Variants in GPR176 observed in about 807,000 individuals in gnomAD.
GPR176 encodes the protein G protein-coupled receptor 176.
GPR176 carries 26 observed loss-of-function variants against 35.4 expected under a neutral mutation model. The observed-to-expected ratio is 0.74, with a 90% confidence interval of 0.54 to 1.02. The LOEUF is 1.02. GPR176 is among the 50% of genes least tolerant of loss of function. The pLI is 0.00. For synonymous variants in GPR176, 278 were observed against 271.3 expected, an observed-to-expected ratio of 1.02 and a Z score of -0.24; for missense variants, 597 against 665.3, an observed-to-expected ratio of 0.90 and a Z score of 1.13.
intron 1 of GPR176, among the ~76,000 whole-genome samples, chr15:39,822,235 C>CTAAG (rs1330578207): frequency 1.3e-5 from 2 of 152,178 alleles, no homozygotes; most frequent in Non-Finnish European, 2.9e-5. Flanking sequence ...CTAAGCTGTT[C>CTAAG]CTAAATTCCT....
chr15:39,895,305 G>C (rs2033079865), intron 1 of GPR176, among the ~76,000 whole-genome samples: 1 of 148,808 alleles, frequency 6.7e-6, no homozygotes, highest in Admixed American at 6.7e-5. Flanking sequence ...GGGAGGGGGA[G>C]GGGGAGGGCG....
intron 1 of GPR176, among the ~76,000 whole-genome samples, chr15:39,890,913 C>T (rs1020791338): frequency 1.3e-5 from 2 of 152,172 alleles, no homozygotes; most frequent in African/African-American, 4.8e-5. Flanking sequence ...GTATATATCC[C>T]TTCAAATTTA....
chr15:39,890,704 G>A (rs1256114405), intron 1 of GPR176, among the ~76,000 whole-genome samples: 2 of 152,048 alleles, frequency 1.3e-5, no homozygotes, highest in Non-Finnish European at 2.9e-5. Flanking sequence ...CCAGACAAAG[G>A]AACCCTTACT....
At chr15:39,865,787 T>C (rs1394687289) in intron 1 of GPR176, among the ~76,000 whole-genome samples, 2 of 152,162 alleles carry the variant, frequency 1.3e-5, no homozygotes, top group Non-Finnish European at 2.9e-5. Context: ...TACATATGCA[T>C]TGGCAACATC....
intron 1 of GPR176, among the ~76,000 whole-genome samples, chr15:39,919,195 A>G (rs1345643441): frequency 2.0e-5 from 3 of 151,134 alleles, no homozygotes; most frequent in African/African-American, 7.2e-5. Context: ...AAGTATACCT[A>G]AATCTGGGAT....
At chr15:39,916,375 C>T (rs941129256) in intron 1 of GPR176, among the ~76,000 whole-genome samples, 1 of 152,160 alleles carries the variant, frequency 6.6e-6, no homozygotes, top group Admixed American at 6.5e-5. Context: ...CACTGGTTTA[C>T]GCAAACCCCC....
At chr15:39,906,557 C>A (rs2033427822) in intron 1 of GPR176, among the ~76,000 whole-genome samples, 1 of 152,238 alleles carries the variant, frequency 6.6e-6, no homozygotes, top group Admixed American at 6.5e-5. Flanking sequence ...ACATCCCCCA[C>A]ACATTATGCT....
intron 1 of GPR176, among the ~76,000 whole-genome samples, chr15:39,832,814 T>C (rs1901179434): frequency 6.6e-6 from 1 of 152,182 alleles, no homozygotes; most frequent in African/African-American, 2.4e-5. Flanking sequence ...TCCCTGTTCC[T>C]TGACTTGTGG....
chr15:39,916,013 A>C (rs975805045), intron 1 of GPR176, among the ~76,000 whole-genome samples: 4 of 152,248 alleles, frequency 2.6e-5, no homozygotes, highest in African/African-American at 4.8e-5. Context: ...GATGATTGCC[A>C]CAGATGACAG....
chr15:39,836,698 T>C (rs1305729179), intron 1 of GPR176, among the ~76,000 whole-genome samples: 1 of 152,146 alleles, frequency 6.6e-6, no homozygotes, highest in African/African-American at 2.4e-5. Context: ...GACAGGGCTA[T>C]AAAGTTCACA....
intron 1 of GPR176, among the ~76,000 whole-genome samples, chr15:39,913,624 G>T (rs1389203297): frequency 6.6e-6 from 1 of 152,122 alleles, no homozygotes; most frequent in East Asian, 1.9e-4. Context: ...GGTATTGAGG[G>T]GAAAAAGGCA....
At chr15:39,841,469 G>A (rs2029977167) in intron 1 of GPR176, among the ~76,000 whole-genome samples, 1 of 152,068 alleles carries the variant, frequency 6.6e-6, no homozygotes, top group African/African-American at 2.4e-5. Context: ...TTATAAAAAA[G>A]GGGAGATTTG....
chr15:39,907,379 G>A (rs55916904), intron 1 of GPR176, among the ~76,000 whole-genome samples: 1,907 of 152,194 alleles, frequency 0.013, 49 homozygotes, highest in African/African-American at 0.041. Flanking sequence ...CAAAGCTCCC[G>A]CTCTGCCCTC....
intron 1 of GPR176, among the ~76,000 whole-genome samples, chr15:39,810,588 A>G (rs1212533781): frequency 6.6e-6 from 1 of 152,234 alleles, no homozygotes; most frequent in African/African-American, 2.4e-5. Flanking sequence ...CAGACACATT[A>G]CCTCTTTGAA....
intron 1 of GPR176, among the ~76,000 whole-genome samples, chr15:39,808,625 C>G (rs764182516): frequency 2.6e-5 from 4 of 152,172 alleles, no homozygotes; most frequent in Non-Finnish European, 5.9e-5. Flanking sequence ...GACTTGTTAT[C>G]TCTCCATTTC....
At chr15:39,844,988 G>A (rs943497515) in intron 1 of GPR176, among the ~76,000 whole-genome samples, 2 of 152,110 alleles carry the variant, frequency 1.3e-5, no homozygotes, top group Non-Finnish European at 2.9e-5. Context: ...CGTATCTCAA[G>A]AGCCAGCTCC....
rs948447675 is a variant in GPR176 at position 39,852,791 on chromosome 15, T to C, written c.173-45533A>G. Among the ~76,000 whole-genome samples, 16 of 152,316 alleles carry C rather than the reference T, an allele frequency of 1.1e-4. No homozygotes were observed. In the South Asian group the frequency reaches 3.1e-3, roughly 30 times the overall value. On this transcript the variant is annotated intron_variant, in intron 1 of 2. Coordinates refer to ENST00000561100, the MANE Select transcript of GPR176 (RefSeq NM_007223.3). ...AAACCCATTAGGAACACAGTTTGTG[T>C]GTCTTACTTACCATTATATCCACAA...
At chr15:39,822,479 T>C (rs1900339554) in intron 1 of GPR176, among the ~76,000 whole-genome samples, 1 of 152,224 alleles carries the variant, frequency 6.6e-6, no homozygotes, top group Non-Finnish European at 1.5e-5. Flanking sequence ...ATTTGTGAGC[T>C]TTATTTTGCT....
At chr15:39,917,155 C>T (rs1016509543) in intron 1 of GPR176, among the ~76,000 whole-genome samples, 1 of 151,724 alleles carries the variant, frequency 6.6e-6, no homozygotes, top group Non-Finnish European at 1.5e-5. Flanking sequence ...TGGTGGCGGG[C>T]ACCTGTAATC....
Sources: allele counts gnomAD v4.1 joint callset (sites outside exome capture counted in the v4.1 genomes callset), GRCh38; gene constraint gnomAD v4.1.1; transcripts MANE v1.5; gene names NCBI Gene and HGNC (gene_info 2026-07-23, HGNC 2026-07-21).